The following ATP1B4 variants were observed in gnomAD, a reference collection of about 807,000 sequenced individuals.
The protein encoded by ATP1B4 is protein ATP1B4.
Under a neutral mutation model 29.6 loss-of-function variants are expected in ATP1B4, and 32 were observed. That is an observed-to-expected ratio of 1.08 (90% CI 0.82 to 1.45). The LOEUF is 1.45. Among genes scored for constraint, ATP1B4 ranks in the 40% most tolerant of loss-of-function variants. The probability of loss-of-function intolerance (pLI) is 0.00; values close to 1 mark genes in which losing one functional copy is unlikely to be tolerated. For missense variants in ATP1B4, 323 were observed against 276.2 expected (o/e 1.17, Z -1.20); for synonymous variants, 127 against 102.1 (o/e 1.24, Z -1.47).
rs1455170847 is a variant in ATP1B4, at chrX:120,383,056, A to T, written c.*3422A>T. Reference sequence around the variant, plus strand: ...TGTCAATGAGAAATACTACTTCCAAATGTCTTCATGGTTTTGTCCATACTG... The same window carrying T: ...TGTCAATGAGAAATACTACTTCCAATTGTCTTCATGGTTTTGTCCATACTG... On this transcript the variant is annotated 3_prime_UTR_variant, in exon 8 of 8. Coordinates refer to ENST00000218008, the MANE Select transcript of ATP1B4 (RefSeq NM_001142447.3). 2 of 111,869 alleles carry T rather than the reference A, an allele frequency of 1.8e-5. No individual in the cohort carries two copies. Among genetic ancestry groups the T allele is most frequent in the African/African-American group, 6.5e-5 (2 of 30,800 alleles). The allele number at this position is 111,869 out of a possible 1,213,427, so 9.2% of individuals were successfully genotyped here.
At position 120,375,510 on chromosome X, in the gene ATP1B4, A is replaced by G; in HGVS notation, c.701A>G (p.Glu234Gly). 1.7e-6 allele frequency: 2 copies of G among 1,211,268 alleles called. No individual in the cohort carries two copies. Among genetic ancestry groups the G allele is most frequent in the East Asian group, 5.9e-5 (2 of 33,817 alleles). ...TTCCTAAAGAACTGCTCTGGTCTGG[A>G]GGACCCAACTTTTGGATACTCTACT... ...RSFLKNCSGL[E>G]DPTFGYSTGQ... The change falls in exon 5 of 8, where the codon GAG becomes GGG. Residue 234 changes from glutamate to glycine, a missense_variant. Glu to Gly is a moderately conservative substitution (Grantham distance 98). Coordinates refer to ENST00000218008, the MANE Select transcript of ATP1B4 (RefSeq NM_001142447.3).
intron 6 of ATP1B4, 72 bp downstream of exon 6, chrX:120,376,508 G>A (rs1199961284): frequency 2.1e-6 from 2 of 936,656 alleles, no homozygotes. Context: ...TCACTTTCAA[G>A]GACTTACACA....
At chrX:120,368,272 C>G (rs2058295865) in intron 2 of ATP1B4, among the ~76,000 whole-genome samples, 1 of 111,594 alleles carries the variant, frequency 9.0e-6, no homozygotes, top group Non-Finnish European at 1.9e-5. Flanking sequence ...ATCCACTGGG[C>G]TACCCTGGGC....
chrX:120,377,473 C>A (rs1750079799), intron 6 of ATP1B4, among the ~76,000 whole-genome samples: 1 of 112,010 alleles, frequency 8.9e-6, no homozygotes, highest in African/African-American at 3.2e-5. Flanking sequence ...TACAAACTAT[C>A]CGAACTGATT....
chrX:120,364,377 A>C (rs1199899818), intron 1 of ATP1B4, among the ~76,000 whole-genome samples: 1 of 112,244 alleles, frequency 8.9e-6, no homozygotes, highest in African/African-American at 3.2e-5. Flanking sequence ...CAGCTCAGTC[A>C]GGGTGACAAG....
At chrX:120,374,963 C>T (rs1298647129) in intron 4 of ATP1B4, among the ~76,000 whole-genome samples, 1 of 101,719 alleles carries the variant, frequency 9.8e-6, no homozygotes, top group East Asian at 3.0e-4. Flanking sequence ...AGTCCCTCTT[C>T]CAAAATCTAC....
intron 4 of ATP1B4, among the ~76,000 whole-genome samples, chrX:120,373,188 C>T (rs1285482855): frequency 8.9e-6 from 1 of 111,918 alleles, no homozygotes; most frequent in Non-Finnish European, 1.9e-5. Flanking sequence ...CAATAAGGGT[C>T]ATGTCCATGT....
intron 4 of ATP1B4, among the ~76,000 whole-genome samples, chrX:120,375,076 A>C (rs187149741): frequency 1.1e-4 from 12 of 108,647 alleles, no homozygotes; most frequent in African/African-American, 3.7e-4. Context: ...GAAAATTTAT[A>C]AAGTGACTGA....
rs1377818544 is a variant in ATP1B4 at position 120,376,419 on chromosome X, G to C, written c.799G>C (p.Val267Leu). ...TCCTGAGCTTGGAGATCCTGTGAAGGTTTCCTGCAAAGTTCAGGTAAAGAG... is the reference window on the plus strand; with the variant it reads ...TCCTGAGCTTGGAGATCCTGTGAAGCTTTCCTGCAAAGTTCAGGTAAAGAG... ...FRPELGDPVK[V>L]SCKVQRGDEN... Residue 267 changes from valine (V) to leucine (L), a missense_variant, in exon 6 of 8, where the codon GTT becomes CTT. Coordinates refer to ENST00000218008, the MANE Select transcript of ATP1B4 (RefSeq NM_001142447.3). The C allele has an allele frequency of 8.3e-7, 1 of 1,210,079 alleles. No individual in the cohort carries two copies. The highest frequency in any genetic ancestry group is 1.8e-5 in the South Asian group (1 of 56,874).
intron 4 of ATP1B4, among the ~76,000 whole-genome samples, chrX:120,374,753 A>ATATATTATATATAAGTG (rs1556039722): frequency 3.1e-5 from 1 of 32,020 alleles, no homozygotes. Context: ...AAGGGTGTAT[A>ATATATTATATATAAGTG]TATATATATT....
At chrX:120,370,533 C>T (rs954728812) in intron 2 of ATP1B4, among the ~76,000 whole-genome samples, 182 bp from the exon 3 acceptor site, 1 of 112,014 alleles carries the variant, frequency 8.9e-6, no homozygotes, top group African/African-American at 3.2e-5. Flanking sequence ...TGCAATTAGA[C>T]CCCTGACACA....
intron 4 of ATP1B4, among the ~76,000 whole-genome samples, chrX:120,374,730 T>TG (rs1399379591): frequency 1.5e-5 from 1 of 67,423 alleles, no homozygotes; most frequent in Non-Finnish European, 2.6e-5. Flanking sequence ...AATATATATA[T>TG]TATATTATAT....
chrX:120,372,221 T>A (rs1342266459), intron 4 of ATP1B4, among the ~76,000 whole-genome samples: 1 of 109,134 alleles, frequency 9.2e-6, no homozygotes, highest in Non-Finnish European at 1.9e-5. Flanking sequence ...TCCAGTGGGG[T>A]TTGCATTTCT....
chrX:120,377,618 TG>T (rs751556158), intron 6 of ATP1B4, among the ~76,000 whole-genome samples: 2 of 112,582 alleles, frequency 1.8e-5, no homozygotes, highest in South Asian at 7.3e-4. Flanking sequence ...TAATGGAAGC[TG>T]TTTGTTTTTC....
rs779844957 is a variant in ATP1B4 at position 120,370,764 on chromosome X, G to A, written c.378G>A (p.Val126=). ...TCTTCTATGCCTCCTTGGCTGCTGT[G>A]ATCACCCTCTGCATGTACACACTAT... ...YFFFYASLAA[V]ITLCMYTLFL... is the part of the protein sequence containing the mutation. The change falls in exon 3 of 8, where the codon GTG becomes GTA. Residue 126 remains valine (V), a synonymous_variant. Coordinates refer to ENST00000218008, the MANE Select transcript of ATP1B4 (RefSeq NM_001142447.3). The A allele has an allele frequency of 7.4e-6, 9 of 1,211,271 alleles. No homozygotes were observed. In the East Asian group the frequency reaches 2.4e-4, roughly 32 times the overall value.
chrX:120,379,723 G>A lies in ATP1B4; in HGVS notation c.*89G>A, dbSNP rs1211001649. 7.6e-6 allele frequency: 7 copies of A among 926,399 alleles called. No homozygotes were observed. Among genetic ancestry groups the A allele is most frequent in the Non-Finnish European group, 1.0e-5 (7 of 679,077 alleles). 76.3% of individuals were successfully genotyped at this position (926,399 alleles called of 1,213,427 possible). A position where few individuals can be genotyped will look rare whatever the true frequency, so the allele number is the denominator to read the frequency against. ...ACCTGAATTCTTTTTCTTCAATTAG[G>A]ACACAGCCAGATGGACATCTAAGAC... On this transcript the variant is annotated 3_prime_UTR_variant, in exon 8 of 8. Coordinates refer to ENST00000218008, the MANE Select transcript of ATP1B4 (RefSeq NM_001142447.3).
intron 3 of ATP1B4, 47 bp from the exon 4 acceptor site, chrX:120,371,059 T>G: frequency 8.9e-7 from 1 of 1,121,328 alleles, no homozygotes; most frequent in East Asian, 3.0e-5. Context: ...ACAAAAAAAT[T>G]ATCCCAAGAA....
intron 4 of ATP1B4, among the ~76,000 whole-genome samples, chrX:120,372,901 T>C (rs1347024106): frequency 8.9e-6 from 1 of 112,012 alleles, no homozygotes; most frequent in Admixed American, 9.5e-5. Context: ...AGAAATGTTT[T>C]GGGCATCATG....
intron 1 of ATP1B4, among the ~76,000 whole-genome samples, chrX:120,365,021 A>T (rs979032590): frequency 2.5e-4 from 28 of 112,135 alleles, no homozygotes; most frequent in Admixed American, 1.8e-3. Context: ...TCGTTTAGGA[A>T]CACAGAACCT....
Sources: allele counts gnomAD v4.1 joint callset (sites outside exome capture counted in the v4.1 genomes callset), GRCh38; gene constraint gnomAD v4.1.1; transcripts MANE v1.5; gene names NCBI Gene and HGNC (gene_info 2026-07-23, HGNC 2026-07-21).